The following LRRK2 variants were observed in gnomAD, a reference collection of about 807,000 sequenced individuals.
LRRK2 encodes the protein leucine rich repeat kinase 2.
A neutral mutation model predicts 302.6 loss-of-function variants in LRRK2; 203 were observed. The ratio of observed to expected loss-of-function variants is 0.67; its 90% confidence interval spans 0.60 to 0.75. The LOEUF is 0.75. Among genes scored for constraint, LRRK2 ranks in the 30% least tolerant of loss-of-function variants. The probability of loss-of-function intolerance (pLI) is 0.00; values close to 1 mark genes in which losing one functional copy is unlikely to be tolerated. For synonymous variants in LRRK2, 1,066 were observed against 1,031.9 expected (o/e 1.03, Z -0.63); for missense variants, 2,830 against 2,951.0 (o/e 0.96, Z 0.95).
At chr12:40,322,656 T>C (rs1945438709) in intron 37 of LRRK2, 146 bp downstream of exon 37, 2 of 702,694 alleles carry the variant, frequency 2.8e-6, no homozygotes, top group Admixed American at 5.5e-5. Context: ...GAAAACTGAA[T>C]TATATTTATT....
chr12:40,250,314 A>G (rs972035972), intron 8 of LRRK2, among the ~76,000 whole-genome samples: 10 of 151,876 alleles, frequency 6.6e-5, no homozygotes, highest in African/African-American at 2.4e-4. Context: ...ACATGGTGAA[A>G]CCCCATCTCT....
In LRRK2 at chr12:40,320,067, C is replaced by CA. The variant is rs756089224; in HGVS notation, c.4915dup (p.Arg1639LysfsTer13). 6.2e-6 allele frequency: 10 copies of CA among 1,609,012 alleles called. No homozygotes were observed. The highest frequency in any genetic ancestry group is 4.5e-5 in the East Asian group (2 of 44,784). ...CGTAGAGATGTGGAAAAATTTCTTTCAAAAAAAAGGAAATTTCCAAAGAAC... is the reference window on the plus strand; with the variant it reads ...CGTAGAGATGTGGAAAAATTTCTTTCAAAAAAAAAGGAAATTTCCAAAGAAC... On this transcript the variant is annotated frameshift_variant, in exon 34 of 51. Coordinates refer to ENST00000298910, the MANE Select transcript of LRRK2 (RefSeq NM_198578.4). LOFTEE classifies it high-confidence loss of function.
At chr12:40,317,457 C>T (rs982494241) in intron 33 of LRRK2, among the ~76,000 whole-genome samples, 23 of 151,882 alleles carry the variant, frequency 1.5e-4, no homozygotes, top group African/African-American at 5.1e-4. Context: ...AGGCAAGGGC[C>T]GGAATAATTT....
intron 18 of LRRK2, 95 bp from the exon 19 acceptor site, chr12:40,283,780 A>T: frequency 9.6e-7 from 1 of 1,044,684 alleles, no homozygotes; most frequent in Non-Finnish European, 1.4e-6. Flanking sequence ...CAAATTGGAG[A>T]TGTAGAGAAA....
rs751622869 is a variant in LRRK2, at chr12:40,294,907, T to A, written c.2871T>A (p.Asp957Glu). Residue 957 changes from aspartate (D) to glutamate (E), a missense_variant, in exon 22 of 51, where the codon GAT (aspartate) becomes GAA (glutamate). Asp to Glu is a conservative substitution (Grantham distance 45). Coordinates refer to ENST00000298910, the MANE Select transcript of LRRK2 (RefSeq NM_198578.4). ...KRKRKILSSD[D>E]SLRSSKLQSH... ...AAAGAAAAATATTATCTTCAGATGATTCACTCAGTAAGTATTTGGATGTAA... is the reference window on the plus strand; with the variant it reads ...AAAGAAAAATATTATCTTCAGATGAATCACTCAGTAAGTATTTGGATGTAA... 2.0e-6 allele frequency: 3 copies of A among 1,529,974 alleles called. No individual in the cohort carries two copies. Among genetic ancestry groups the A allele is most frequent in the Non-Finnish European group, 2.7e-6 (3 of 1,107,984 alleles). The allele number at this position is 1,529,974 out of a possible 1,614,324, so 94.8% of individuals were successfully genotyped here.
chr12:40,269,881 G>T (rs1943164479), intron 14 of LRRK2, among the ~76,000 whole-genome samples: 1 of 151,744 alleles, frequency 6.6e-6, no homozygotes, highest in South Asian at 2.1e-4. Flanking sequence ...TCACCCAATT[G>T]TAGCAAAGTA....
chr12:40,274,874 A>C lies in LRRK2; in HGVS notation c.1822A>C (p.Ser608Arg), dbSNP rs201131172. The stretch of plus-strand genomic sequence containing the variant: ...CCTAGAAATTCAGTGTCTGGGTTTA[A>C]GTCTTATAGGATACTTGATTACAAA... ...DDQEIQCLGL[S>R]LIGYLITKKN... The change falls in exon 16 of 51, where the codon AGT (serine) becomes CGT (arginine). Residue 608 changes from serine to arginine, a missense_variant. By Grantham distance (110) the Ser-to-Arg change is moderately radical. This residue lies in a region of LRRK2 where 2,121 missense variants were observed against 2,148.0 expected (regional missense o/e 0.99). Coordinates refer to ENST00000298910, the MANE Select transcript of LRRK2 (RefSeq NM_198578.4). The C allele has an allele frequency of 4.3e-5, 69 of 1,611,718 alleles. No individual in the cohort carries two copies. The highest frequency in any genetic ancestry group is 5.6e-5 in the Non-Finnish European group (66 of 1,178,124).
chr12:40,299,022 T>C (rs984640869), intron 24 of LRRK2, 87 bp from the exon 25 acceptor site: 2 of 1,389,236 alleles, frequency 1.4e-6, no homozygotes, highest in Non-Finnish European at 2.0e-6. Flanking sequence ...TTGATGCTGT[T>C]CTTTGAAAGC....
intron 32 of LRRK2, 109 bp from the exon 33 acceptor site, chr12:40,315,103 T>C: frequency 1.1e-6 from 1 of 886,008 alleles, no homozygotes; most frequent in Non-Finnish European, 1.9e-6. Context: ...CTAGCTATGC[T>C]GAAATTTCTT....
rs967058617 is a variant in LRRK2, at chr12:40,320,235, T to C, written c.5015+60T>C. The C allele has an allele frequency of 2.9e-6, 4 of 1,387,648 alleles. No individual in the cohort carries two copies. In the African/African-American group the frequency reaches 5.7e-5, roughly 20 times the overall value. The allele number at this position is 1,387,648 out of a possible 1,614,324, so 86.0% of individuals were successfully genotyped here. A position where few individuals can be genotyped will look rare whatever the true frequency, so the allele number is the denominator to read the frequency against. The stretch of plus-strand genomic sequence containing the variant: ...GAAATTCACTATCTATTCTTTTAAT[T>C]GTCAAACTAACTGTAGTCTATAATA... On this transcript the variant is annotated intron_variant, in intron 34 of 50. Transcript: ENST00000298910.
chr12:40,313,956 A>C lies in LRRK2; in HGVS notation c.4537-16A>C, dbSNP rs538239043. ...ATAAAATAGATTTTTACGGCTTGTC[A>C]TTTGTAATTTCATAGATCCGAGATC... is the stretch of plus-strand genomic sequence containing the variant. On this transcript the variant is annotated splice_polypyrimidine_tract_variant and intron_variant, in intron 31 of 50. Transcript: ENST00000298910. The C allele has an allele frequency of 1.2e-6, 2 of 1,605,910 alleles. No homozygotes were observed. The highest frequency in any genetic ancestry group is 2.2e-5 in the East Asian group (1 of 44,612).
At chr12:40,315,504 C>T (rs920649325) in intron 33 of LRRK2, among the ~76,000 whole-genome samples, 8 of 152,006 alleles carry the variant, frequency 5.3e-5, no homozygotes, top group Admixed American at 4.6e-4. Context: ...ACTTCCATGA[C>T]TTGGTTTTCA....
intron 40 of LRRK2, among the ~76,000 whole-genome samples, chr12:40,336,827 C>T (rs1335644645): frequency 6.6e-6 from 1 of 152,040 alleles, no homozygotes; most frequent in Non-Finnish European, 1.5e-5. Context: ...ATTTCAGTGC[C>T]CTCTTTCCTT....
At chr12:40,332,131 C>T (rs1194100925) in intron 39 of LRRK2, among the ~76,000 whole-genome samples, 1 of 152,180 alleles carries the variant, frequency 6.6e-6, no homozygotes, top group Non-Finnish European at 1.5e-5. Context: ...TGCTAATTGG[C>T]TTTAGGCCTT....
chr12:40,295,673 A>C, intron 23 of LRRK2, 29 bp downstream of exon 23: 1 of 1,580,810 alleles, frequency 6.3e-7, no homozygotes, highest in Non-Finnish European at 8.7e-7. Flanking sequence ...TGTAACTTTC[A>C]AGACATTTGA....
In LRRK2 at chr12:40,238,012, C is replaced by T; in HGVS notation, c.480C>T (p.Phe160=). The T allele has an allele frequency of 1.9e-6, 3 of 1,613,122 alleles. No individual in the cohort carries two copies. The highest frequency in any genetic ancestry group is 2.5e-6 in the Non-Finnish European group (3 of 1,179,368). ...TATTGGATGAAGAAAGTGATATTTTCATGTTAATTTTTGATGCCATGCACT... is the reference window on the plus strand; with the variant it reads ...TATTGGATGAAGAAAGTGATATTTTTATGTTAATTTTTGATGCCATGCACT... ...LLILDEESDI[F]MLIFDAMHSF... The change falls in exon 5 of 51, where the codon TTC becomes TTT. Residue 160 remains phenylalanine (F), a synonymous_variant. Coordinates refer to ENST00000298910, the MANE Select transcript of LRRK2 (RefSeq NM_198578.4).
At position 40,284,023 on chromosome 12, in the gene LRRK2, A is replaced by G. The variant is rs750255091; in HGVS notation, c.2390A>G (p.Asp797Gly). The change falls in exon 19 of 51, where the codon GAT becomes GGT. Residue 797 changes from aspartate (D) to glycine (G), a missense_variant. Around this residue, in one of 3 missense-constraint regions of LRRK2, gnomAD observed 2,121 missense variants for 2,148.0 expected, o/e 0.99. Transcript: ENST00000298910. ...ISLLLRRLAL[D>G]VANNSICLGG... Reference sequence around the variant, plus strand: ...TTGCTCTTAAGGAGGCTGGCCCTGGATGTGGCCAACAATAGCATTTGCCTT... The same window carrying G: ...TTGCTCTTAAGGAGGCTGGCCCTGGGTGTGGCCAACAATAGCATTTGCCTT... 1 of 1,613,850 alleles carries G rather than the reference A, an allele frequency of 6.2e-7. No homozygotes were observed. The highest frequency in any genetic ancestry group is 8.5e-7 in the Non-Finnish European group (1 of 1,179,892).
intron 31 of LRRK2, among the ~76,000 whole-genome samples, chr12:40,311,343 A>C (rs1324105627): frequency 1.3e-5 from 1 of 77,028 alleles, no homozygotes; most frequent in Non-Finnish European, 2.6e-5. Context: ...ATCAGAGAGA[A>C]CACTTTTTTT....
intron 45 of LRRK2, among the ~76,000 whole-genome samples, chr12:40,355,890 GA>G (rs1474884806): frequency 6.6e-6 from 1 of 152,084 alleles, no homozygotes; most frequent in Non-Finnish European, 1.5e-5. Context: ...CAGGTCCTTG[GA>G]AAAGACATTC....
Sources: allele counts gnomAD v4.1 joint callset (sites outside exome capture counted in the v4.1 genomes callset), GRCh38; gene constraint gnomAD v4.1.1; regional missense constraint gnomAD v4.1.1; transcripts MANE v1.5; gene names NCBI Gene and HGNC (gene_info 2026-07-23, HGNC 2026-07-21).